Variants in ARHGAP31 observed in about 807,000 individuals in gnomAD.
The protein encoded by ARHGAP31 is rho GTPase-activating protein 31.
ARHGAP31 carries 34 observed loss-of-function variants against 113.9 expected under a neutral mutation model. That is an observed-to-expected ratio of 0.30 (90% confidence interval 0.23 to 0.40). The LOEUF is 0.40. Ranked by LOEUF, ARHGAP31 falls within the 10% of genes least tolerant of loss-of-function variation. ARHGAP31 has a pLI of 1.00. For missense variants in ARHGAP31, 1,548 were observed against 1,767.1 expected, an observed-to-expected ratio of 0.88 and a Z score of 2.22; for synonymous variants, 650 against 684.8, an observed-to-expected ratio of 0.95 and a Z score of 0.79.
intron 1 of ARHGAP31, among the ~76,000 whole-genome samples, chr3:119,332,825 A>G (rs530613144): frequency 1.3e-5 from 2 of 152,224 alleles, no homozygotes; most frequent in East Asian, 3.9e-4. Context: ...TGACTTCCTG[A>G]CAGTGCTAAG....
At chr3:119,368,329 C>A in intron 2 of ARHGAP31, 43 bp from the exon 3 acceptor site, 2 of 1,613,006 alleles carry the variant, frequency 1.2e-6, no homozygotes, top group Non-Finnish European at 1.7e-6. Flanking sequence ...ACATGGAACA[C>A]ACACTCCCTG....
intron 1 of ARHGAP31, among the ~76,000 whole-genome samples, chr3:119,311,412 T>C (rs1193730509): frequency 6.6e-6 from 1 of 152,206 alleles, no homozygotes; most frequent in Non-Finnish European, 1.5e-5. Context: ...TGCGTCTCTC[T>C]TATGAAGTGA....
rs749644327 is a variant in ARHGAP31 at position 119,415,367 on chromosome 3, C to T, written c.3438C>T (p.Thr1146=). The change falls in exon 12 of 12, where the codon ACC becomes ACT. Residue 1146 remains threonine, a synonymous_variant. Transcript: ENST00000264245. ...GAGACCCAAAGGTCACATGGATGAC[C>T]TCATCTTACTGTAAAGCAGACCCCT... ...EPGDPKVTWM[T]SSYCKADPWR... The T allele has an allele frequency of 6.2e-7, 1 of 1,614,090 alleles. No homozygotes were observed. The highest frequency in any genetic ancestry group is 1.7e-5 in the Admixed American group (1 of 60,016).
At chr3:119,379,258 G>A (rs1436626357) in intron 3 of ARHGAP31, among the ~76,000 whole-genome samples, 1 of 152,122 alleles carries the variant, frequency 6.6e-6, no homozygotes, top group Non-Finnish European at 1.5e-5. Context: ...CAATAAATAA[G>A]TGCATTCTTG....
chr3:119,336,712 T>C (rs1559971385), intron 1 of ARHGAP31, among the ~76,000 whole-genome samples: 1 of 152,238 alleles, frequency 6.6e-6, no homozygotes, highest in East Asian at 1.9e-4. Flanking sequence ...ATAGTTTTAG[T>C]ATAATCATAT....
intron 1 of ARHGAP31, among the ~76,000 whole-genome samples, chr3:119,320,667 C>T (rs545128011): frequency 1.3e-5 from 2 of 152,334 alleles, no homozygotes; most frequent in Admixed American, 1.3e-4. Context: ...CCAGCAAGTC[C>T]TCACCAATCA....
intron 1 of ARHGAP31, among the ~76,000 whole-genome samples, chr3:119,364,707 C>A (rs2107622452): frequency 6.6e-6 from 1 of 152,252 alleles, no homozygotes; most frequent in South Asian, 2.1e-4. Flanking sequence ...ACTTGGAGAA[C>A]AATGAAATGA....
At chr3:119,375,447 C>A (rs1277541004) in intron 3 of ARHGAP31, among the ~76,000 whole-genome samples, 1 of 152,136 alleles carries the variant, frequency 6.6e-6, no homozygotes, top group East Asian at 1.9e-4. Flanking sequence ...TATATAGATA[C>A]CCATGACTGC....
intron 1 of ARHGAP31, among the ~76,000 whole-genome samples, chr3:119,327,097 G>A (rs1279524320): frequency 2.0e-5 from 3 of 151,986 alleles, no homozygotes; most frequent in African/African-American, 4.8e-5. Flanking sequence ...GTGAGATGGC[G>A]CCACTGCACT....
chr3:119,299,519 T>G (rs1052121829), intron 1 of ARHGAP31, among the ~76,000 whole-genome samples: 2 of 152,070 alleles, frequency 1.3e-5, no homozygotes, highest in African/African-American at 4.8e-5. Context: ...TTGATGAGAG[T>G]AAGCCCTGGT....
Position 119,415,664 on chromosome 3 carries a change from A to C in ARHGAP31, c.3735A>C (p.Lys1245Asn), listed in dbSNP as rs1577037642. 2.5e-6 allele frequency: 4 copies of C among 1,614,116 alleles called. No individual in the cohort carries two copies. Among genetic ancestry groups the C allele is most frequent in the Non-Finnish European group, 3.4e-6 (4 of 1,180,012 alleles). The part of the protein sequence containing the change: ...GPSSTSGTTQ[K>N]PAKDDSPSSL... ...GCTCAACCAGTGGGACCACTCAGAA[A>C]CCTGCCAAAGATGATTCTCCCTCCT... The change falls in exon 12 of 12, where the codon AAA (lysine) becomes AAC (asparagine). Residue 1245 changes from lysine to asparagine, a missense_variant. By Grantham distance (94) the Lys-to-Asn change is moderately conservative. Transcript: ENST00000264245.
chr3:119,409,511 A>G lies in ARHGAP31; in HGVS notation c.1661A>G (p.Lys554Arg), dbSNP rs771261152. The G allele has an allele frequency of 5.0e-6, 8 of 1,614,234 alleles. No individual in the cohort carries two copies. The highest frequency in any genetic ancestry group is 6.8e-6 in the Non-Finnish European group (8 of 1,180,046). ...AETSAASVPKKAGLEDAKAVP... is the reference protein window; with the variant it reads ...AETSAASVPKRAGLEDAKAVP... ...TTCACTGCAGCTTCTGTACCTAAGA[A>G]GGCAGGTCTTGAGGATGCCAAGGCA... The change falls in exon 11 of 12, where the codon AAG becomes AGG. Residue 554 changes from lysine (K) to arginine (R), a missense_variant. Coordinates refer to ENST00000264245, the MANE Select transcript of ARHGAP31 (RefSeq NM_020754.4).
At chr3:119,311,972 C>T (rs1263220683) in intron 1 of ARHGAP31, among the ~76,000 whole-genome samples, 1 of 152,218 alleles carries the variant, frequency 6.6e-6, no homozygotes, top group African/African-American at 2.4e-5. Flanking sequence ...AAAAACAGTA[C>T]AGCAGGATCA....
chr3:119,367,487 A>T (rs761172537), intron 2 of ARHGAP31, among the ~76,000 whole-genome samples: 20 of 152,298 alleles, frequency 1.3e-4, no homozygotes, highest in Middle Eastern at 3.4e-3. Context: ...TAGATTGTTT[A>T]AGAAGATATT....
At chr3:119,366,446 G>A (rs1482320745) in intron 2 of ARHGAP31, among the ~76,000 whole-genome samples, 6 of 150,892 alleles carry the variant, frequency 4.0e-5, no homozygotes, top group Non-Finnish European at 7.4e-5. Flanking sequence ...TCCTAGAGAA[G>A]TCATAGCTGT....
intron 1 of ARHGAP31, among the ~76,000 whole-genome samples, chr3:119,299,611 TTATC>T (rs756849909): frequency 1.3e-5 from 2 of 152,216 alleles, no homozygotes; most frequent in Non-Finnish European, 2.9e-5. Context: ...TTCTCTTTCT[TTATC>T]TATTTAACAA....
intron 4 of ARHGAP31, 90 bp downstream of exon 4, chr3:119,381,076 G>A: frequency 1.6e-6 from 2 of 1,285,966 alleles, no homozygotes; most frequent in Non-Finnish European, 2.2e-6. Flanking sequence ...GAAACAATGT[G>A]TGGACAGTAG....
intron 1 of ARHGAP31, among the ~76,000 whole-genome samples, chr3:119,332,673 A>G (rs1241432791): frequency 6.8e-6 from 1 of 147,198 alleles, no homozygotes; most frequent in Admixed American, 6.8e-5. Flanking sequence ...ACACACACAC[A>G]CACGCATGCA....
At chr3:119,345,771 C>G (rs189608936) in intron 1 of ARHGAP31, among the ~76,000 whole-genome samples, 2 of 152,168 alleles carry the variant, frequency 1.3e-5, no homozygotes, top group South Asian at 4.1e-4. Flanking sequence ...GGCTCTGTCC[C>G]TCTTCCCAGG....
Sources: gnomAD v4.1 joint callset for allele counts (sites outside exome capture counted in the v4.1 genomes callset) on GRCh38, gnomAD v4.1.1 for gene constraint, MANE v1.5 for transcripts, NCBI Gene and HGNC (gene_info 2026-07-23, HGNC 2026-07-21) for gene names.